Variants in SKIC3 observed in about 807,000 individuals in gnomAD.
SKIC3 encodes superkiller complex protein 3.
the SKIC3 span, among the ~76,000 whole-genome samples, chr5:95,526,426 T>C: frequency 6.6e-6 from 1 of 152,124 alleles, no homozygotes; most frequent in Non-Finnish European, 1.5e-5. Flanking sequence ...CCAAGGATAC[T>C]TCAGGTCTTC....
the SKIC3 span, chr5:95,522,323 C>A: frequency 1.2e-6 from 2 of 1,612,068 alleles, no homozygotes; most frequent in African/African-American, 1.3e-5. Context: ...ATTTAAAAAA[C>A]CGTAAGAGAA....
the SKIC3 span, among the ~76,000 whole-genome samples, chr5:95,473,370 CT>C: frequency 1.3e-5 from 2 of 152,156 alleles, no homozygotes; most frequent in Admixed American, 6.5e-5. Flanking sequence ...GCATCCCAAC[CT>C]CCCGAGCTCA....
At chr5:95,553,385 G>A in the SKIC3 span, among the ~76,000 whole-genome samples, 1 of 152,172 alleles carries the variant, frequency 6.6e-6, no homozygotes, top group East Asian at 1.9e-4. Context: ...AGTCAATATT[G>A]TCACTATGGT....
At chr5:95,478,254 C>A in the SKIC3 span, 1 of 1,610,956 alleles carries the variant, frequency 6.2e-7, no homozygotes, top group Non-Finnish European at 8.5e-7. Context: ...ATAAAAAAAT[C>A]AATTTTTCAT....
At chr5:95,547,046 A>G in the SKIC3 span, 1 of 1,608,824 alleles carries the variant, frequency 6.2e-7, no homozygotes, top group African/African-American at 1.3e-5. Flanking sequence ...TGTGGAAGAA[A>G]AAAATACTGG....
the SKIC3 span, among the ~76,000 whole-genome samples, chr5:95,533,533 A>C: frequency 6.6e-6 from 1 of 152,302 alleles, no homozygotes; most frequent in South Asian, 2.1e-4. Flanking sequence ...AAATGTACCC[A>C]AACCTGAATT....
chr5:95,553,551 G>A, the SKIC3 span, among the ~76,000 whole-genome samples: 455 of 152,020 alleles, frequency 3.0e-3, 3 homozygotes, highest in African/African-American at 0.011. Flanking sequence ...TATTGTTTAG[G>A]GGTTTTTTTG....
the SKIC3 span, chr5:95,524,715 AC>A: frequency 8.2e-7 from 1 of 1,222,884 alleles, no homozygotes; most frequent in Non-Finnish European, 1.2e-6. Flanking sequence ...CAAATTAGAA[AC>A]CAATCATCAC....
the SKIC3 span, among the ~76,000 whole-genome samples, chr5:95,476,863 T>C: frequency 6.6e-6 from 1 of 152,204 alleles, no homozygotes; most frequent in Non-Finnish European, 1.5e-5. Flanking sequence ...AGGGTTATTG[T>C]GATTATTAAA....
the SKIC3 span, among the ~76,000 whole-genome samples, chr5:95,547,567 C>A: frequency 6.6e-6 from 1 of 151,918 alleles, no homozygotes; most frequent in African/African-American, 2.4e-5. Flanking sequence ...TTTTTCACTG[C>A]CGCATCCCCA....
the SKIC3 span, among the ~76,000 whole-genome samples, chr5:95,501,130 A>G: frequency 2.0e-5 from 3 of 152,306 alleles, no homozygotes; most frequent in East Asian, 3.9e-4. Flanking sequence ...AGCAGATAGT[A>G]AAATATAAAT....
the SKIC3 span, among the ~76,000 whole-genome samples, chr5:95,552,850 G>A: frequency 6.6e-6 from 1 of 151,816 alleles, no homozygotes; most frequent in Non-Finnish European, 1.5e-5. Flanking sequence ...AAGAAACTGG[G>A]GACTAGGAAA....
At chr5:95,494,675 T>A in the SKIC3 span, 1 of 1,612,126 alleles carries the variant, frequency 6.2e-7, no homozygotes, top group Admixed American at 1.7e-5. Context: ...ATAGATATTA[T>A]ATGCACCTGG....
chr5:95,515,335 G>T, the SKIC3 span, among the ~76,000 whole-genome samples: 2 of 152,120 alleles, frequency 1.3e-5, no homozygotes, highest in Admixed American at 1.3e-4. Context: ...CTAGACATGT[G>T]TATACCTGCT....
At chr5:95,528,245 C>T in the SKIC3 span, 19 of 1,483,634 alleles carry the variant, frequency 1.3e-5, no homozygotes, top group South Asian at 9.2e-5. Flanking sequence ...ATTGCAGATA[C>T]AATAAGCATA....
chr5:95,552,358 T>C, the SKIC3 span, among the ~76,000 whole-genome samples: 15 of 152,348 alleles, frequency 9.8e-5, no homozygotes, highest in Middle Eastern at 3.4e-3. Flanking sequence ...TTATTTTTAT[T>C]ATCCTATATA....
the SKIC3 span, chr5:95,482,654 G>T: frequency 1.2e-6 from 2 of 1,613,000 alleles, no homozygotes; most frequent in African/African-American, 2.7e-5. Flanking sequence ...TCCCAAAGAG[G>T]AACACATCAA....
At chr5:95,514,514 T>A in the SKIC3 span, among the ~76,000 whole-genome samples, 1 of 152,158 alleles carries the variant, frequency 6.6e-6, no homozygotes, top group Non-Finnish European at 1.5e-5. Context: ...ACAATAGAGT[T>A]CTGGGTTTAT....
the SKIC3 span, among the ~76,000 whole-genome samples, chr5:95,468,822 G>C: frequency 5.9e-3 from 894 of 152,232 alleles, 10 homozygotes; most frequent in African/African-American, 0.02. Flanking sequence ...ATTGGGGTAG[G>C]GGGTGAAGGG....
Sources: allele counts gnomAD v4.1 joint callset (sites outside exome capture counted in the v4.1 genomes callset), GRCh38; gene constraint gnomAD v4.1.1; transcripts MANE v1.5; gene names NCBI Gene and HGNC (gene_info 2026-07-23, HGNC 2026-07-21).